The following CTSS variants were observed in gnomAD, a reference collection of about 807,000 sequenced individuals.
CTSS encodes cathepsin S.
CTSS carries 15 observed loss-of-function variants against 39.9 expected under a neutral mutation model. The observed-to-expected ratio is 0.38, with a 90% CI of 0.25 to 0.58. The LOEUF (loss-of-function observed/expected upper bound fraction) is 0.58. Ranked by LOEUF, CTSS falls within the 20% of genes least tolerant of loss-of-function variation. The pLI is 0.70. For missense variants in CTSS, 250 were observed against 398.2 expected (o/e 0.63, Z 3.17); for synonymous variants, 126 against 138.2 (o/e 0.91, Z 0.62).
intron 7 of CTSS, among the ~76,000 whole-genome samples, chr1:150,742,149 C>T (rs1464432570): frequency 2.0e-5 from 3 of 151,170 alleles, no homozygotes; most frequent in Admixed American, 6.6e-5. Context: ...CCCATCTACT[C>T]GGGAGGCTGA....
chr1:150,735,170 G>T (rs1451689583), intron 7 of CTSS, among the ~76,000 whole-genome samples: 1 of 152,150 alleles, frequency 6.6e-6, no homozygotes, highest in Non-Finnish European at 1.5e-5. Context: ...AGAAATTTTG[G>T]CTCAGGGACT....
At chr1:150,764,574 A>G (rs1048511326) in intron 2 of CTSS, 64 bp downstream of exon 2, 7 of 1,599,224 alleles carry the variant, frequency 4.4e-6, no homozygotes, top group Middle Eastern at 1.7e-4. Context: ...TAAGAACACA[A>G]TTTTAAGAGG....
In CTSS at chr1:150,732,996, A is replaced by C; in HGVS notation, c.*50T>G. On this transcript the variant is annotated 3_prime_UTR_variant, in exon 8 of 8. Coordinates refer to ENST00000368985, the MANE Select transcript of CTSS (RefSeq NM_004079.5). ...TGGATACAGCAGGAAAAATTAAGTTAAGAGAAAGTGCTTCATATTTCTTGA... is the reference window on the plus strand; with the variant it reads ...TGGATACAGCAGGAAAAATTAAGTTCAGAGAAAGTGCTTCATATTTCTTGA... 7.6e-7 allele frequency: 1 copy of C among 1,308,042 alleles called. No individual in the cohort carries two copies. Among genetic ancestry groups the C allele is most frequent in the Non-Finnish European group, 1.1e-6 (1 of 911,594 alleles). The allele number at this position is 1,308,042 out of a possible 1,614,324, so 81.0% of individuals were successfully genotyped here. A position where few individuals can be genotyped will look rare whatever the true frequency, so the allele number is the denominator to read the frequency against.
At chr1:150,759,988 A>C (rs1653218611) in intron 2 of CTSS, among the ~76,000 whole-genome samples, 1 of 152,118 alleles carries the variant, frequency 6.6e-6, no homozygotes, top group Admixed American at 6.5e-5. Context: ...GATGAGAAGC[A>C]ATGGTATAAA....
chr1:150,749,811 G>A (rs982101721), intron 6 of CTSS, among the ~76,000 whole-genome samples, 195 bp downstream of exon 6: 1 of 151,100 alleles, frequency 6.6e-6, no homozygotes, highest in Non-Finnish European at 1.5e-5. Context: ...CACCATATCC[G>A]GCTAATTTTT....
At chr1:150,758,053 A>ATTTT in intron 2 of CTSS, 73 bp from the exon 3 acceptor site, 9 of 1,183,686 alleles carry the variant, frequency 7.6e-6, no homozygotes, top group Non-Finnish European at 1.0e-5. Context: ...GAAAATGGCA[A>ATTTT]TTTTTTTTTT....
intron 2 of CTSS, among the ~76,000 whole-genome samples, chr1:150,759,068 C>T (rs1260577577): frequency 6.7e-6 from 1 of 149,692 alleles, no homozygotes. Context: ...CAGGGTCTCC[C>T]TATGTTGCCT....
chr1:150,756,787 G>A (rs1214300278), intron 3 of CTSS, among the ~76,000 whole-genome samples: 2 of 149,704 alleles, frequency 1.3e-5, no homozygotes, highest in East Asian at 3.9e-4. Flanking sequence ...CATGACCTCG[G>A]CTCACTGCAA....
intron 4 of CTSS, 107 bp downstream of exon 4, chr1:150,754,894 A>G (rs1653085135): frequency 8.5e-7 from 1 of 1,177,352 alleles, no homozygotes; most frequent in African/African-American, 1.5e-5. Flanking sequence ...AAAAATAACT[A>G]GAAAGTAACA....
intron 7 of CTSS, among the ~76,000 whole-genome samples, chr1:150,739,781 A>G (rs1652707872): frequency 6.6e-6 from 1 of 152,228 alleles, no homozygotes; most frequent in African/African-American, 2.4e-5. Context: ...TAAAAGAGCA[A>G]ACTAGCCACA....
Position 150,751,768 on chromosome 1 carries a change from G to C in CTSS, c.627+13C>G, listed in dbSNP as rs927842573. On this transcript the variant is annotated intron_variant, in intron 5 of 7. Transcript: ENST00000368985. The stretch of plus-strand genomic sequence containing the variant: ...GATCATGGGGCAGCACAAAAAGTTT[G>C]CTTAAGACGCACCATGGCTTTGTAG... The C allele has an allele frequency of 5.6e-6, 9 of 1,612,670 alleles. No individual in the cohort carries two copies. The highest frequency in any genetic ancestry group is 1.7e-5 in the Admixed American group (1 of 60,016).
At chr1:150,738,490 ATTT>A (rs200199076) in intron 7 of CTSS, among the ~76,000 whole-genome samples, 2 of 138,892 alleles carry the variant, frequency 1.4e-5, no homozygotes, top group Non-Finnish European at 1.6e-5. Flanking sequence ...GTGATCAGTG[ATTT>A]TTTTTTTTTT....
chr1:150,737,642 T>G (rs1038597908), intron 7 of CTSS, among the ~76,000 whole-genome samples: 5 of 152,190 alleles, frequency 3.3e-5, no homozygotes, highest in African/African-American at 1.2e-4. Flanking sequence ...GTCCTGGGCT[T>G]CTTAGGCTGT....
At chr1:150,761,462 TG>T (rs1453645447) in intron 2 of CTSS, among the ~76,000 whole-genome samples, 1 of 152,164 alleles carries the variant, frequency 6.6e-6, no homozygotes, top group Non-Finnish European at 1.5e-5. Flanking sequence ...CCGGGCGTGG[TG>T]GCTCACACCT....
chr1:150,737,770 A>G (rs1008666686), intron 7 of CTSS, among the ~76,000 whole-genome samples: 2 of 152,218 alleles, frequency 1.3e-5, no homozygotes, highest in African/African-American at 4.8e-5. Flanking sequence ...GATTAGTACA[A>G]TAAAGAAAAA....
chr1:150,756,810 G>C (rs930727183), intron 3 of CTSS, among the ~76,000 whole-genome samples: 2 of 149,098 alleles, frequency 1.3e-5, no homozygotes, highest in South Asian at 2.2e-4. Context: ...TCTGCCTCCC[G>C]GGTTCAAGCA....
intron 1 of CTSS, among the ~76,000 whole-genome samples, chr1:150,765,085 CTCTT>C (rs931527247): frequency 8.1e-6 from 1 of 123,274 alleles, no homozygotes; most frequent in Non-Finnish European, 1.8e-5. Flanking sequence ...CAAAGGAAAT[CTCTT>C]TCTCTCTCTC....
chr1:150,740,276 C>T (rs1210228262), intron 7 of CTSS, among the ~76,000 whole-genome samples: 4 of 152,128 alleles, frequency 2.6e-5, no homozygotes, highest in Non-Finnish European at 5.9e-5. Context: ...ATTAGAGAAA[C>T]AATTCTAAGT....
Position 150,751,809 on chromosome 1 carries a change from G to T in CTSS, c.599C>A (p.Ser200Ter). 6.2e-7 allele frequency: 1 copy of T among 1,614,156 alleles called. No individual in the cohort carries two copies. The highest frequency in any genetic ancestry group is 1.1e-5 in the South Asian group (1 of 91,076). The change falls in exon 5 of 8, where the codon TCA (serine) becomes TAA (stop). Residue 200 changes from serine to a stop codon, truncating the protein, a stop_gained. Coordinates refer to ENST00000368985, the MANE Select transcript of CTSS (RefSeq NM_004079.5). LOFTEE classifies it high-confidence loss of function. ...QYIIDNKGID[S>*]DASYPYKAMD... ...GGCTTTGTAGGGATAGGAAGCGTCT[G>T]AGTCGATGCCCTTGTTATCAATGAT...
Sources: gnomAD v4.1 joint callset for allele counts (sites outside exome capture counted in the v4.1 genomes callset) on GRCh38, gnomAD v4.1.1 for gene constraint, MANE v1.5 for transcripts, NCBI Gene and HGNC (gene_info 2026-07-23, HGNC 2026-07-21) for gene names.